Variants in DAB1 observed in about 807,000 individuals in gnomAD.
The protein encoded by DAB1 is disabled homolog 1.
A neutral mutation model predicts 64.6 loss-of-function variants in DAB1; 15 were observed. The ratio of observed to expected loss-of-function variants is 0.23; its 90% CI spans 0.16 to 0.36. The LOEUF (loss-of-function observed/expected upper bound fraction) is 0.36, where lower values mean the gene tolerates loss of function less well. Ranked by LOEUF, DAB1 falls within the 10% of genes least tolerant of loss-of-function variation. The pLI is 1.00. For synonymous variants in DAB1, 235 were observed against 251.9 expected (o/e 0.93, Z 0.64); for missense variants, 596 against 706.7 (o/e 0.84, Z 1.78).
chr1:58,488,702 G>A (rs111270949), intron 3 of DAB1, among the ~76,000 whole-genome samples: 13 of 152,096 alleles, frequency 8.5e-5, no homozygotes, highest in South Asian at 2.1e-4. Context: ...CTCCTGCCTC[G>A]GCCTCCAAAA....
chr1:58,268,078 T>A (rs1024868033), intron 4 of DAB1, among the ~76,000 whole-genome samples: 1 of 81,542 alleles, frequency 1.2e-5, no homozygotes, highest in Non-Finnish European at 3.1e-5. Context: ...GAATTCTAAT[T>A]CTGCCACTTA....
intron 7 of DAB1, among the ~76,000 whole-genome samples, chr1:57,460,871 C>A (rs186203135): frequency 9.6e-4 from 146 of 152,258 alleles, no homozygotes; most frequent in Non-Finnish European, 1.2e-3. Context: ...AAACTCTGCA[C>A]AAATGTACCT....
intron 5 of DAB1, among the ~76,000 whole-genome samples, chr1:57,909,821 G>A (rs974459981): frequency 1.3e-5 from 2 of 152,208 alleles, no homozygotes; most frequent in African/African-American, 4.8e-5. Context: ...CTGAGCATAT[G>A]AGATTATATG....
intron 7 of DAB1, among the ~76,000 whole-genome samples, chr1:57,629,280 C>T (rs1449904205): frequency 6.6e-6 from 1 of 152,100 alleles, no homozygotes; most frequent in Non-Finnish European, 1.5e-5. Context: ...TATAAATGGC[C>T]AGCAGCTATT....
At chr1:57,962,906 C>T (rs1211036138) in intron 5 of DAB1, among the ~76,000 whole-genome samples, 3 of 151,734 alleles carry the variant, frequency 2.0e-5, no homozygotes, top group East Asian at 3.9e-4. Context: ...AAATAAAAAC[C>T]TCAAGAGCCA....
chr1:57,154,847 G>C (rs1008004122), intron 2 of DAB1, among the ~76,000 whole-genome samples: 1 of 152,106 alleles, frequency 6.6e-6, no homozygotes, highest in Non-Finnish European at 1.5e-5. Flanking sequence ...GTCTTCTTTT[G>C]AGAAATGTCC....
intron 6 of DAB1, among the ~76,000 whole-genome samples, chr1:57,707,820 T>C (rs1272214073): frequency 2.6e-5 from 4 of 152,166 alleles, no homozygotes; most frequent in Non-Finnish European, 5.9e-5. Context: ...CGTCAGCTGT[T>C]TTAACATTAG....
chr1:57,839,191 A>C (rs1652942567), intron 1 of DAB1, among the ~76,000 whole-genome samples: 1 of 152,186 alleles, frequency 6.6e-6, no homozygotes, highest in African/African-American at 2.4e-5. Context: ...CTAGAAAATG[A>C]ATCGGTTAAA....
At chr1:58,306,477 C>T (rs1569627030) in intron 4 of DAB1, among the ~76,000 whole-genome samples, 1 of 152,102 alleles carries the variant, frequency 6.6e-6, no homozygotes, top group Non-Finnish European at 1.5e-5. Flanking sequence ...CGCTGTTTCC[C>T]CTCAGCTCAC....
intron 6 of DAB1, among the ~76,000 whole-genome samples, chr1:57,811,943 A>C (rs1651640444): frequency 1.3e-5 from 2 of 152,220 alleles, no homozygotes; most frequent in Non-Finnish European, 2.9e-5. Context: ...GATGGTCAGT[A>C]GGAAGTCACC....
At chr1:57,077,407 G>A (rs76093348) in intron 4 of DAB1, among the ~76,000 whole-genome samples, 3,415 of 152,216 alleles carry the variant, frequency 0.022, 135 homozygotes, top group African/African-American at 0.077. Flanking sequence ...GAGGAAGAAA[G>A]AAAGGAAGTA....
At chr1:58,520,676 A>G (rs1424683779) in intron 2 of DAB1, among the ~76,000 whole-genome samples, 1 of 152,166 alleles carries the variant, frequency 6.6e-6, no homozygotes, top group Non-Finnish European at 1.5e-5. Flanking sequence ...AACAATACTA[A>G]AAGGAAAAAG....
chr1:57,369,939 AGGCC>A (rs959090277), intron 1 of DAB1, among the ~76,000 whole-genome samples: 8 of 152,320 alleles, frequency 5.3e-5, no homozygotes, highest in African/African-American at 1.9e-4. Context: ...TCTTAAATCA[AGGCC>A]TGTGCTCTGC....
At chr1:57,218,895 G>A (rs372469781) in intron 2 of DAB1, among the ~76,000 whole-genome samples, 2 of 152,140 alleles carry the variant, frequency 1.3e-5, no homozygotes, top group East Asian at 3.9e-4. Flanking sequence ...GCAGCGGTGA[G>A]GGGAGGGGCT....
chr1:57,921,640 C>T (rs1203377217), intron 5 of DAB1, among the ~76,000 whole-genome samples: 6 of 151,996 alleles, frequency 3.9e-5, no homozygotes, highest in African/African-American at 1.5e-4. Flanking sequence ...CCACCTCTGC[C>T]GCCACCATCC....
intron 4 of DAB1, among the ~76,000 whole-genome samples, chr1:58,180,432 A>T (rs1216863794): frequency 6.6e-6 from 1 of 151,072 alleles, no homozygotes; most frequent in African/African-American, 2.4e-5. Flanking sequence ...AACTGGGACT[A>T]CAGGTGCATG....
chr1:57,970,523 G>C (rs528658391), intron 5 of DAB1, among the ~76,000 whole-genome samples: 1 of 151,942 alleles, frequency 6.6e-6, no homozygotes, highest in Non-Finnish European at 1.5e-5. Flanking sequence ...TATCTACGGC[G>C]CTTGAGGAAA....
chr1:57,305,376 C>T (rs988626834), intron 1 of DAB1, among the ~76,000 whole-genome samples: 1 of 151,998 alleles, frequency 6.6e-6, no homozygotes, highest in Admixed American at 6.5e-5. Context: ...CTCCTTTTTT[C>T]TCCTCAGCCT....
chr1:58,356,659 G>A (rs1009464993), intron 3 of DAB1, among the ~76,000 whole-genome samples: 1 of 152,106 alleles, frequency 6.6e-6, no homozygotes, highest in Non-Finnish European at 1.5e-5. Context: ...GAAAAGGGCT[G>A]AAAGACCAGA....
Sources: allele counts gnomAD v4.1 joint callset (sites outside exome capture counted in the v4.1 genomes callset), GRCh38; gene constraint gnomAD v4.1.1; transcripts MANE v1.5; gene names NCBI Gene and HGNC (gene_info 2026-07-23, HGNC 2026-07-21).